ALK: variants seen among roughly 807,000 people sequenced by gnomAD.
ALK encodes the protein ALK tyrosine kinase receptor.
A neutral mutation model predicts 163.1 loss-of-function variants in ALK; 74 were observed. The ratio of observed to expected loss-of-function variants is 0.45; its 90% CI spans 0.38 to 0.55. ALK has a LOEUF of 0.55. Ranked by LOEUF, ALK falls within the 20% of genes least tolerant of loss-of-function variation. The probability of loss-of-function intolerance (pLI) is 0.00; values close to 1 mark genes in which losing one functional copy is unlikely to be tolerated. For synonymous variants in ALK, 960 were observed against 843.2 expected (o/e 1.14, Z -2.40); for missense variants, 2,063 against 2,105.3 (o/e 0.98, Z 0.39).
chr2:29,307,372 G>A (rs1052183355), intron 8 of ALK, among the ~76,000 whole-genome samples: 1 of 152,218 alleles, frequency 6.6e-6, no homozygotes, highest in African/African-American at 2.4e-5. Context: ...AGATGCTGTA[G>A]TGTGTATTTC....
intron 11 of ALK, among the ~76,000 whole-genome samples, chr2:29,265,015 TTTG>T (rs1317407507): frequency 2.6e-5 from 4 of 152,020 alleles, no homozygotes; most frequent in Non-Finnish European, 4.4e-5. Flanking sequence ...CTGTTTTTTT[TTTG>T]TTGTTGTTGT....
intron 11 of ALK, among the ~76,000 whole-genome samples, chr2:29,265,518 T>C (rs1197614502): frequency 6.6e-6 from 1 of 152,228 alleles, no homozygotes; most frequent in African/African-American, 2.4e-5. Context: ...GTTTTTCTGA[T>C]TCTCAGTTAG....
intron 5 of ALK, among the ~76,000 whole-genome samples, chr2:29,335,623 A>G (rs1321466371): frequency 6.6e-6 from 1 of 152,168 alleles, no homozygotes; most frequent in East Asian, 1.9e-4. Context: ...CATGACTCAG[A>G]TTAAATTGTC....
At chr2:29,342,667 G>C (rs901365353) in intron 5 of ALK, among the ~76,000 whole-genome samples, 28 of 152,140 alleles carry the variant, frequency 1.8e-4, no homozygotes, top group Admixed American at 5.9e-4. Context: ...CTGTAGGACA[G>C]GGGGAAGTCA....
At chr2:29,234,820 C>A (rs1451689844) in intron 13 of ALK, among the ~76,000 whole-genome samples, 1 of 152,240 alleles carries the variant, frequency 6.6e-6, no homozygotes, top group African/African-American at 2.4e-5. Flanking sequence ...CCTTGGCCCA[C>A]TGCAACTTCT....
chr2:29,818,765 G>A (rs960019131), intron 1 of ALK, among the ~76,000 whole-genome samples: 4 of 152,224 alleles, frequency 2.6e-5, no homozygotes, highest in African/African-American at 9.6e-5. Flanking sequence ...TTCTGGATTG[G>A]GTGGGGCTGC....
At position 29,694,784 on chromosome 2, in the gene ALK, A is replaced by G. The variant is rs1678502376; in HGVS notation, c.952+66T>C. On this transcript the variant is annotated intron_variant, in intron 3 of 28. Transcript: ENST00000389048. ...ACAGGAGTGAAGTCTCATCATTTCA[A>G]ACAGAAATAGGTATTCCAGCCTGGC... 1.2e-5 allele frequency: 19 copies of G among 1,593,560 alleles called. No homozygotes were observed. In the Middle Eastern group the frequency reaches 6.6e-4, roughly 55 times the overall value.
Position 29,694,953 on chromosome 2 carries a change from G to C in ALK, c.849C>G (p.Leu283=), listed in dbSNP as rs1386367066. 3 of 1,614,126 alleles carry C rather than the reference G, an allele frequency of 1.9e-6. No homozygotes were observed. Among genetic ancestry groups the C allele is most frequent in the East Asian group, 2.2e-5 (1 of 44,856 alleles). Residue 283 remains leucine (L), a synonymous_variant, in exon 3 of 29, where the codon CTC becomes CTG. Coordinates refer to ENST00000389048, the MANE Select transcript of ALK (RefSeq NM_004304.5). Reference sequence around the variant, plus strand: ...GGCGCCAGGACCAGCTCTGGTTCCTGAGGTCATGCAGTGGAGGGGAATACT... The same window carrying C: ...GGCGCCAGGACCAGCTCTGGTTCCTCAGGTCATGCAGTGGAGGGGAATACT... The part of the protein sequence containing the change: ...ELEYSPPLHD[L]RNQSWSWRRI...
intron 1 of ALK, among the ~76,000 whole-genome samples, chr2:29,814,169 G>A (rs1664831679): frequency 6.6e-6 from 1 of 152,156 alleles, no homozygotes; most frequent in South Asian, 2.1e-4. Context: ...CTAGGAGGCA[G>A]GCATACTATT....
chr2:29,663,698 A>G (rs755017713), intron 3 of ALK, among the ~76,000 whole-genome samples: 37 of 152,192 alleles, frequency 2.4e-4, no homozygotes, highest in Non-Finnish European at 4.9e-4. Flanking sequence ...CCTTTGTTCA[A>G]TGTTTAAAAA....
At chr2:29,523,334 A>G (rs946960110) in intron 4 of ALK, among the ~76,000 whole-genome samples, 3 of 152,168 alleles carry the variant, frequency 2.0e-5, no homozygotes, top group Non-Finnish European at 4.4e-5. Context: ...CCCAATGCAC[A>G]GCACCCATTA....
chr2:29,247,250 C>CA (rs1664703691), intron 12 of ALK, among the ~76,000 whole-genome samples: 2 of 152,104 alleles, frequency 1.3e-5, no homozygotes, highest in Admixed American at 6.5e-5. Flanking sequence ...TGTGCACACA[C>CA]CACCACCACC....
intron 1 of ALK, among the ~76,000 whole-genome samples, chr2:29,777,784 G>A (rs1681215044): frequency 6.6e-6 from 1 of 152,084 alleles, no homozygotes; most frequent in Non-Finnish European, 1.5e-5. Flanking sequence ...GCTATTTCTG[G>A]TCCTCAGGCC....
chr2:29,685,253 G>A (rs1678201905), intron 3 of ALK, among the ~76,000 whole-genome samples: 1 of 152,052 alleles, frequency 6.6e-6, no homozygotes, highest in South Asian at 2.1e-4. Context: ...TAGAAACCGA[G>A]CCCTTGGCAG....
chr2:29,743,908 A>G (rs1254319561), intron 1 of ALK, among the ~76,000 whole-genome samples: 1 of 151,922 alleles, frequency 6.6e-6, no homozygotes, highest in East Asian at 1.9e-4. Flanking sequence ...TATGGTTCAC[A>G]TGGAGGTCTC....
intron 4 of ALK, among the ~76,000 whole-genome samples, chr2:29,447,499 A>G (rs1670715816): frequency 6.6e-6 from 1 of 152,220 alleles, no homozygotes; most frequent in African/African-American, 2.4e-5. Context: ...AACTCAGTCC[A>G]AGATGATTGC....
At chr2:29,728,651 C>A (rs774613800) in intron 1 of ALK, among the ~76,000 whole-genome samples, 28 of 152,138 alleles carry the variant, frequency 1.8e-4, no homozygotes, top group Non-Finnish European at 3.4e-4. Context: ...GGCCCTTAAC[C>A]AGATGAGTAG....
intron 11 of ALK, among the ~76,000 whole-genome samples, chr2:29,261,842 G>A (rs1206629034): frequency 6.6e-6 from 1 of 152,222 alleles, no homozygotes; most frequent in East Asian, 1.9e-4. Flanking sequence ...TCAGGTGAGG[G>A]CATGAGAGTG....
At chr2:29,418,366 A>G (rs1253528048) in intron 4 of ALK, among the ~76,000 whole-genome samples, 1 of 152,230 alleles carries the variant, frequency 6.6e-6, no homozygotes, top group Non-Finnish European at 1.5e-5. Flanking sequence ...TGTTTTTACA[A>G]TTAAGGAGTC....
Sources: allele counts gnomAD v4.1 joint callset (sites outside exome capture counted in the v4.1 genomes callset), GRCh38; gene constraint gnomAD v4.1.1; transcripts MANE v1.5; gene names NCBI Gene and HGNC (gene_info 2026-07-23, HGNC 2026-07-21).